CADPS: variants seen among roughly 807,000 people sequenced by gnomAD.
CADPS encodes calcium-dependent secretion activator 1.
CADPS carries 57 observed loss-of-function variants against 167.3 expected under a neutral mutation model. The ratio of observed to expected loss-of-function variants is 0.34; its 90% CI spans 0.28 to 0.42. CADPS has a LOEUF of 0.42. Ranked by LOEUF, CADPS falls within the 20% of genes least tolerant of loss-of-function variation. The probability of loss-of-function intolerance (pLI) is 1.00; values close to 1 mark genes in which losing one functional copy is unlikely to be tolerated. For missense variants in CADPS, 1,414 were observed against 1,738.1 expected, an observed-to-expected ratio of 0.81 and a Z score of 3.32; for synonymous variants, 676 against 635.3, an observed-to-expected ratio of 1.06 and a Z score of -0.96.
At chr3:62,661,183 A>G (rs2073120993) in intron 4 of CADPS, among the ~76,000 whole-genome samples, 1 of 150,926 alleles carries the variant, frequency 6.6e-6, no homozygotes, top group Non-Finnish European at 1.5e-5. Flanking sequence ...ACAGTAAGAC[A>G]TAACCTCAAC....
At chr3:62,622,309 T>C (rs969411413) in intron 6 of CADPS, among the ~76,000 whole-genome samples, 1 of 152,128 alleles carries the variant, frequency 6.6e-6, no homozygotes. Context: ...ATTTCTACGA[T>C]GTCCGGGGCT....
intron 1 of CADPS, chr3:62,814,593 A>C (rs1435401455): frequency 6.6e-6 from 1 of 152,116 alleles, no homozygotes; most frequent in Non-Finnish European, 1.5e-5. Flanking sequence ...TGGGTTTATA[A>C]ATTTCCACAC....
chr3:62,662,485 G>T, intron 3 of CADPS, 91 bp from the exon 4 acceptor site: 1 of 1,037,532 alleles, frequency 9.6e-7, no homozygotes, highest in Non-Finnish European at 1.5e-6. Flanking sequence ...CTTGCACTGT[G>T]CTCCATGGAC....
Position 62,874,711 on chromosome 3 carries a change from G to C in CADPS, c.319C>G (p.Arg107Gly), listed in dbSNP as rs1282365865. 1.3e-6 allele frequency: 2 copies of C among 1,542,020 alleles called. No individual in the cohort carries two copies. Among genetic ancestry groups the C allele is most frequent in the Non-Finnish European group, 1.8e-6 (2 of 1,137,854 alleles). Residue 107 changes from arginine (R) to glycine (G), a missense_variant, in exon 1 of 30, where the codon CGG (arginine) becomes GGG (glycine). Arg to Gly is a moderately radical substitution (Grantham distance 125). This residue lies in a region of CADPS where 522 missense variants were observed against 559.5 expected (regional missense o/e 0.93). Transcript: ENST00000383710. The surrounding 1 kb of genome is among the most constrained non-coding windows in gnomAD (Gnocchi z 7.1). ...CTCTCCTCCTCCTCTTTCTGCAGCC[G>C]CTCCAACTCTTCCTTCTCCTTCTCG... ...VSEKEKEELE[R>G]LQKEEEERKK...
At chr3:62,855,393 G>A (rs1234305794) in intron 1 of CADPS, among the ~76,000 whole-genome samples, 2 of 151,872 alleles carry the variant, frequency 1.3e-5, no homozygotes, top group Admixed American at 6.6e-5. Flanking sequence ...AAATTATCCT[G>A]ATTTTAAATT....
chr3:62,495,804 T>A (rs60755508), intron 18 of CADPS, among the ~76,000 whole-genome samples: 3,159 of 152,346 alleles, frequency 0.021, 106 homozygotes, highest in African/African-American at 0.07. Context: ...AAACAGAGTT[T>A]AGCTGCAATT....
intron 1 of CADPS, among the ~76,000 whole-genome samples, chr3:62,827,305 T>A (rs2074241201): frequency 6.6e-6 from 1 of 152,164 alleles, no homozygotes; most frequent in South Asian, 2.1e-4. Flanking sequence ...GTTGTAAAGA[T>A]GGTTGGATAC....
chr3:62,812,967 C>T (rs1043546964), intron 1 of CADPS, among the ~76,000 whole-genome samples: 3 of 151,928 alleles, frequency 2.0e-5, no homozygotes, highest in Non-Finnish European at 4.4e-5. Flanking sequence ...TGGACAAAAA[C>T]GTTTAAACAC....
chr3:62,730,744 C>G (rs539677381), intron 3 of CADPS, among the ~76,000 whole-genome samples: 1 of 152,204 alleles, frequency 6.6e-6, no homozygotes, highest in Non-Finnish European at 1.5e-5. Flanking sequence ...AAAGCTGTTA[C>G]TTTTGCCAAT....
chr3:62,633,542 C>T (rs937190899), intron 6 of CADPS, among the ~76,000 whole-genome samples: 12 of 152,034 alleles, frequency 7.9e-5, no homozygotes, highest in Admixed American at 2.6e-4. Context: ...TCACAGGTGC[C>T]TTCTTGCCGT....
intron 3 of CADPS, among the ~76,000 whole-genome samples, chr3:62,689,021 T>C (rs924560912): frequency 6.6e-6 from 1 of 152,076 alleles, no homozygotes; most frequent in African/African-American, 2.4e-5. Flanking sequence ...GTGTGATAAA[T>C]GATGTTTCTT....
At chr3:62,678,082 T>C (rs902198551) in intron 3 of CADPS, among the ~76,000 whole-genome samples, 2 of 152,104 alleles carry the variant, frequency 1.3e-5, no homozygotes, top group African/African-American at 4.8e-5. Context: ...AAGCATTCAC[T>C]ATCTTCTAAC....
chr3:62,565,411 A>G (rs2079963326), intron 9 of CADPS, among the ~76,000 whole-genome samples: 1 of 152,142 alleles, frequency 6.6e-6, no homozygotes, highest in Non-Finnish European at 1.5e-5. Flanking sequence ...CCTTCACTTT[A>G]AGCGGGATAA....
chr3:62,807,520 C>A (rs1461869400), intron 1 of CADPS, among the ~76,000 whole-genome samples: 2 of 152,056 alleles, frequency 1.3e-5, no homozygotes, highest in East Asian at 3.9e-4. Flanking sequence ...CCTCGGCCTC[C>A]CAAAGTGCTG....
intron 18 of CADPS, 46 bp from the exon 19 acceptor site, chr3:62,493,711 G>T: frequency 6.5e-7 from 1 of 1,526,830 alleles, no homozygotes; most frequent in Non-Finnish European, 8.9e-7. Context: ...GGACCATTCT[G>T]CAAGGTTGGC....
intron 1 of CADPS, among the ~76,000 whole-genome samples, chr3:62,785,895 G>T (rs1576386717): frequency 7.5e-6 from 1 of 133,272 alleles, no homozygotes; most frequent in African/African-American, 2.8e-5. Context: ...AGGACACAAA[G>T]AAAAACTCTT....
intron 19 of CADPS, 22 bp from the exon 20 acceptor site, chr3:62,492,468 C>A: frequency 2.5e-6 from 4 of 1,609,158 alleles, no homozygotes; most frequent in Non-Finnish European, 3.4e-6. Context: ...GGCAGAAAAA[C>A]AATAGACAAA....
At chr3:62,645,382 A>T (rs1267986156) in intron 6 of CADPS, among the ~76,000 whole-genome samples, 1 of 152,214 alleles carries the variant, frequency 6.6e-6, no homozygotes, top group Non-Finnish European at 1.5e-5. Context: ...CTGAAAACCA[A>T]ATATTTAGAA....
intron 1 of CADPS, among the ~76,000 whole-genome samples, chr3:62,781,057 G>C (rs1252763382): frequency 6.6e-6 from 1 of 152,096 alleles, no homozygotes; most frequent in East Asian, 1.9e-4. Flanking sequence ...TTCATTATCT[G>C]TGATTCTGTC....
Sources: allele counts gnomAD v4.1 joint callset (sites outside exome capture counted in the v4.1 genomes callset), GRCh38; gene constraint gnomAD v4.1.1; regional missense constraint gnomAD v4.1.1; non-coding constraint Gnocchi (gnomAD v3.1); transcripts MANE v1.5; gene names NCBI Gene and HGNC (gene_info 2026-07-23, HGNC 2026-07-21).